Variants in FAM168A observed in about 807,000 individuals in gnomAD.
FAM168A encodes the protein family with sequence similarity 168 member A.
A neutral mutation model predicts 28.5 loss-of-function variants in FAM168A; 3 were observed. The observed-to-expected ratio is 0.11, with a 90% CI of 0.05 to 0.27. The LOEUF (loss-of-function observed/expected upper bound fraction) is 0.27, where lower values mean the gene tolerates loss of function less well. FAM168A is among the 10% of genes least tolerant of loss of function. The probability of loss-of-function intolerance (pLI) is 1.00; values close to 1 mark genes in which losing one functional copy is unlikely to be tolerated. For missense variants in FAM168A, 222 were observed against 311.5 expected (o/e 0.71, Z 2.16); for synonymous variants, 122 against 124.2 (o/e 0.98, Z 0.12).
chr11:73,446,638 A>G (rs1313344064), intron 2 of FAM168A, among the ~76,000 whole-genome samples: 1 of 152,192 alleles, frequency 6.6e-6, no homozygotes, highest in African/African-American at 2.4e-5. Context: ...CCTAAGTCCA[A>G]CATCAAGTCC....
At chr11:73,466,231 C>T (rs1867733942) in intron 2 of FAM168A, among the ~76,000 whole-genome samples, 1 of 152,164 alleles carries the variant, frequency 6.6e-6, no homozygotes, top group South Asian at 2.1e-4. Flanking sequence ...GATTCTAGCT[C>T]CTCAAAGGGA....
At chr11:73,519,804 T>C (rs1405848353) in intron 1 of FAM168A, among the ~76,000 whole-genome samples, 2 of 149,728 alleles carry the variant, frequency 1.3e-5, no homozygotes, top group Non-Finnish European at 3.0e-5. Context: ...GCGTGTGCGT[T>C]TGTGTGTGTA....
chr11:73,507,037 C>T (rs778583785), intron 1 of FAM168A, among the ~76,000 whole-genome samples: 2 of 152,094 alleles, frequency 1.3e-5, no homozygotes, highest in Admixed American at 6.5e-5. Flanking sequence ...TTATACTTAA[C>T]GACCCTTGAA....
chr11:73,482,601 T>C (rs1867982609), intron 1 of FAM168A, among the ~76,000 whole-genome samples: 1 of 151,810 alleles, frequency 6.6e-6, no homozygotes, highest in South Asian at 2.1e-4. Context: ...GAAGCAAACC[T>C]ATGAGGCCCA....
chr11:73,550,797 G>C (rs1489157472), intron 1 of FAM168A, among the ~76,000 whole-genome samples: 1 of 151,456 alleles, frequency 6.6e-6, no homozygotes, highest in Admixed American at 6.6e-5. Flanking sequence ...AATTTGGCTG[G>C]AACAACATAT....
intron 1 of FAM168A, among the ~76,000 whole-genome samples, chr11:73,504,148 A>G (rs546020866): frequency 6.6e-6 from 1 of 152,344 alleles, no homozygotes; most frequent in Non-Finnish European, 1.5e-5. Context: ...GCCAAAATTG[A>G]CAAATGGGAT....
At chr11:73,537,092 G>C (rs1943592073) in intron 1 of FAM168A, among the ~76,000 whole-genome samples, 1 of 152,152 alleles carries the variant, frequency 6.6e-6, no homozygotes, top group Non-Finnish European at 1.5e-5. Flanking sequence ...TAAAGAAAGA[G>C]TAGAAGTTTG....
chr11:73,580,355 A>G (rs1944228643), intron 1 of FAM168A: 1 of 594,994 alleles, frequency 1.7e-6, no homozygotes, highest in Admixed American at 1.9e-5. Flanking sequence ...CTGCTCCTCC[A>G]AAGATAGAGC....
At chr11:73,536,394 T>C (rs929694490) in intron 1 of FAM168A, among the ~76,000 whole-genome samples, 7 of 152,102 alleles carry the variant, frequency 4.6e-5, no homozygotes, top group African/African-American at 1.4e-4. Context: ...TGAGAATAAA[T>C]AGGCCTCCCC....
chr11:73,465,932 A>C (rs1208728794), intron 2 of FAM168A, among the ~76,000 whole-genome samples: 1 of 152,180 alleles, frequency 6.6e-6, no homozygotes, highest in Non-Finnish European at 1.5e-5. Flanking sequence ...GTTTTGTCAC[A>C]CAGTAAGTAC....
In FAM168A at chr11:73,573,478, C is replaced by A. The variant is rs959206392; in HGVS notation, c.-19+24445G>T. Among the ~76,000 whole-genome samples, 12 of 152,240 alleles carry A rather than the reference C, an allele frequency of 7.9e-5. No individual in the cohort carries two copies. In the South Asian group the frequency reaches 1.9e-3, roughly 24 times the overall value. On this transcript the variant is annotated intron_variant, in intron 1 of 7. Transcript: ENST00000356467. Reference sequence around the variant, plus strand: ...GGCCTGCCTCACAGTAGTACCACACCCCATTTTCTCATTTCCACTATGCAG... The same window carrying A: ...GGCCTGCCTCACAGTAGTACCACACACCATTTTCTCATTTCCACTATGCAG...
At chr11:73,420,049 C>T in intron 3 of FAM168A, 50 bp from the exon 4 acceptor site, 1 of 1,602,322 alleles carries the variant, frequency 6.2e-7, no homozygotes, top group Middle Eastern at 1.7e-4. Context: ...GAAGTGGCCA[C>T]CACCAATCAC....
rs370234641 is a variant in FAM168A at position 73,555,525 on chromosome 11, C to T, written c.-19+42398G>A. 2.7e-3 allele frequency among the ~76,000 whole-genome samples: 416 copies of T among 151,560 alleles called. 5 individuals carry two copies. Among genetic ancestry groups the T allele is most frequent in the African/African-American group, 8.8e-3 (362 of 41,304 alleles). On this transcript the variant is annotated intron_variant, in intron 1 of 7. Coordinates refer to ENST00000356467, the MANE Select transcript of FAM168A (RefSeq NM_015159.3). ...CTCGAGACCAGCCTGGCGAACATGG[C>T]GAAACCCCATCTCTACTAAAAATAT...
At chr11:73,429,600 G>A (rs1464588952) in intron 3 of FAM168A, among the ~76,000 whole-genome samples, 1 of 152,118 alleles carries the variant, frequency 6.6e-6, no homozygotes, top group Non-Finnish European at 1.5e-5. Flanking sequence ...ACTCTGCCTG[G>A]AATGCCCACT....
chr11:73,449,620 G>C (rs12293596), intron 2 of FAM168A, among the ~76,000 whole-genome samples: 7,247 of 151,864 alleles, frequency 0.048, 541 homozygotes, highest in African/African-American at 0.16. Context: ...TCCCAGCTGG[G>C]GATCCACACT....
rs574140236 is a variant in FAM168A, at chr11:73,522,309, A to G, written c.-18-53817T>C. Among the ~76,000 whole-genome samples, 16 of 151,534 alleles carry G rather than the reference A, an allele frequency of 1.1e-4. No individual in the cohort carries two copies. In the Middle Eastern group the frequency reaches 0.01, roughly 97 times the overall value. ...CTACTCAGGAACCGGGGTCATCAGG[A>G]CTCTGGGTTTTTTTTGTTTGTTTGT... On this transcript the variant is annotated intron_variant, in intron 1 of 7. Transcript: ENST00000356467.
chr11:73,593,230 G>A (rs1347561806), intron 1 of FAM168A, among the ~76,000 whole-genome samples: 1 of 152,134 alleles, frequency 6.6e-6, no homozygotes, highest in Non-Finnish European at 1.5e-5. Flanking sequence ...CTCACAAGAG[G>A]CTTTAAAGGT....
intron 2 of FAM168A, among the ~76,000 whole-genome samples, chr11:73,450,155 C>T (rs746681857): frequency 1.3e-5 from 2 of 152,238 alleles, no homozygotes; most frequent in Non-Finnish European, 2.9e-5. Context: ...CCCAATCTGT[C>T]TTGAGAAGGT....
chr11:73,573,180 A>G (rs1285829515), intron 1 of FAM168A, among the ~76,000 whole-genome samples: 1 of 152,166 alleles, frequency 6.6e-6, no homozygotes, highest in Non-Finnish European at 1.5e-5. Flanking sequence ...AAATGGACAC[A>G]CTTAACTGTT....
Sources: allele counts gnomAD v4.1 joint callset (sites outside exome capture counted in the v4.1 genomes callset), GRCh38; gene constraint gnomAD v4.1.1; transcripts MANE v1.5; gene names NCBI Gene and HGNC (gene_info 2026-07-23, HGNC 2026-07-21).